Variants in KIAA0825 observed in about 807,000 individuals in gnomAD.
The protein encoded by KIAA0825 is uncharacterized protein KIAA0825.
Under a neutral mutation model 147.6 loss-of-function variants are expected in KIAA0825, and 119 were observed. That is an observed-to-expected ratio of 0.81 (90% CI 0.69 to 0.94). The LOEUF (loss-of-function observed/expected upper bound fraction) is 0.94, where lower values mean the gene tolerates loss of function less well. Among genes scored for constraint, KIAA0825 ranks in the 40% least tolerant of loss-of-function variants. The pLI is 0.00. For missense variants in KIAA0825, 1,381 were observed against 1,472.7 expected (o/e 0.94, Z 1.02); for synonymous variants, 470 against 518.1 (o/e 0.91, Z 1.26).
At chr5:94,243,310 A>G (rs1013933360) in intron 20 of KIAA0825, among the ~76,000 whole-genome samples, 8 of 152,210 alleles carry the variant, frequency 5.3e-5, no homozygotes, top group Non-Finnish European at 1.0e-4. Context: ...GCTTAAAACT[A>G]TACTTATGAT....
At chr5:94,265,538 C>T (rs572354417) in intron 20 of KIAA0825, among the ~76,000 whole-genome samples, 1 of 152,164 alleles carries the variant, frequency 6.6e-6, no homozygotes, top group Non-Finnish European at 1.5e-5. Context: ...GTGGCTTACA[C>T]CTGCAATCCC....
At chr5:94,309,303 A>C (rs1778956760) in intron 20 of KIAA0825, among the ~76,000 whole-genome samples, 1 of 151,606 alleles carries the variant, frequency 6.6e-6, no homozygotes, top group African/African-American at 2.4e-5. Context: ...TAAGCCACAA[A>C]GAAGTGGTAC....
At chr5:94,422,668 G>A (rs1210931882) in intron 14 of KIAA0825, among the ~76,000 whole-genome samples, 1 of 152,026 alleles carries the variant, frequency 6.6e-6, no homozygotes, top group Non-Finnish European at 1.5e-5. Context: ...TCTGCCTTCT[G>A]GACCAGACAT....
chr5:94,387,727 A>T (rs1749353092), intron 18 of KIAA0825, among the ~76,000 whole-genome samples: 1 of 151,468 alleles, frequency 6.6e-6, no homozygotes, highest in Non-Finnish European at 1.5e-5. Context: ...CTCCCAGGAG[A>T]TCCATAGGCA....
chr5:94,187,307 A>G (rs1770208759), intron 20 of KIAA0825, among the ~76,000 whole-genome samples: 1 of 150,998 alleles, frequency 6.6e-6, no homozygotes. Flanking sequence ...TCAGACAGGC[A>G]GAACTGTTGT....
At chr5:94,506,156 A>G (rs1345111916) in intron 5 of KIAA0825, among the ~76,000 whole-genome samples, 1 of 152,162 alleles carries the variant, frequency 6.6e-6, no homozygotes, top group African/African-American at 2.4e-5. Context: ...TTTCACAATC[A>G]ATTTTTTAAA....
chr5:94,354,158 G>A lies in KIAA0825; in HGVS notation c.3710+30210C>T, dbSNP rs7708114. Among the ~76,000 whole-genome samples the A allele has an allele frequency of 7.2e-3, 1,098 of 152,150 alleles. 13 individuals carry two copies. The highest frequency in any genetic ancestry group is 0.025 in the African/African-American group (1,038 of 41,522). Reference sequence around the variant, plus strand: ...TGCAAGTACACAACTAGAGTAAATCGGCTTGATACTTTCCTACCAAGAATT... The same window carrying A: ...TGCAAGTACACAACTAGAGTAAATCAGCTTGATACTTTCCTACCAAGAATT... On this transcript the variant is annotated intron_variant, in intron 20 of 20. Transcript: ENST00000682413.
At chr5:94,537,343 G>A (rs567061120) in intron 2 of KIAA0825, among the ~76,000 whole-genome samples, 14 of 152,186 alleles carry the variant, frequency 9.2e-5, no homozygotes, top group East Asian at 5.8e-4. Context: ...CCTAATTTTC[G>A]CACTTCTGTA....
At chr5:94,251,201 G>C (rs1445194322) in intron 20 of KIAA0825, among the ~76,000 whole-genome samples, 1 of 152,144 alleles carries the variant, frequency 6.6e-6, no homozygotes, top group Non-Finnish European at 1.5e-5. Context: ...GCACACAAAG[G>C]AGTTCAGCAA....
chr5:94,246,385 A>G (rs982409744), intron 20 of KIAA0825, among the ~76,000 whole-genome samples: 1 of 152,178 alleles, frequency 6.6e-6, no homozygotes, highest in East Asian at 1.9e-4. Flanking sequence ...TAAGCTTATG[A>G]TAGGGAACCA....
chr5:94,489,766 G>C (rs1281874788), intron 5 of KIAA0825, among the ~76,000 whole-genome samples: 1 of 151,244 alleles, frequency 6.6e-6, no homozygotes, highest in African/African-American at 2.4e-5. Context: ...TGCACCTGTA[G>C]TCTCAGCTAC....
At chr5:94,201,559 C>T (rs1370561315) in intron 20 of KIAA0825, among the ~76,000 whole-genome samples, 2 of 151,756 alleles carry the variant, frequency 1.3e-5, no homozygotes, top group Non-Finnish European at 2.9e-5. Context: ...AGGTGCATGC[C>T]ACCTTGCCTT....
At chr5:94,480,243 T>C (rs1762347315) in intron 6 of KIAA0825, among the ~76,000 whole-genome samples, 1 of 152,084 alleles carries the variant, frequency 6.6e-6, no homozygotes, top group Non-Finnish European at 1.5e-5. Flanking sequence ...AATGGAAAAC[T>C]ATTCCTCTAG....
At chr5:94,171,889 C>T (rs1414615528) in intron 20 of KIAA0825, among the ~76,000 whole-genome samples, 1 of 151,766 alleles carries the variant, frequency 6.6e-6, no homozygotes, top group Non-Finnish European at 1.5e-5. Flanking sequence ...TGAGAGAGTG[C>T]AGATAAAACA....
At chr5:94,379,372 A>G (rs769990172) in intron 20 of KIAA0825, among the ~76,000 whole-genome samples, 1 of 152,056 alleles carries the variant, frequency 6.6e-6, no homozygotes, top group South Asian at 2.1e-4. Flanking sequence ...TTCTTTACCC[A>G]TTGCTTGTTT....
intron 2 of KIAA0825, among the ~76,000 whole-genome samples, chr5:94,570,896 T>C (rs191193940): frequency 1.5e-4 from 23 of 152,346 alleles, no homozygotes; most frequent in South Asian, 4.1e-4. Flanking sequence ...TATCGTGCAT[T>C]ACTGCCAGCC....
chr5:94,208,219 G>A (rs1772383728), intron 20 of KIAA0825, among the ~76,000 whole-genome samples: 1 of 152,072 alleles, frequency 6.6e-6, no homozygotes, highest in African/African-American at 2.4e-5. Flanking sequence ...CTGTATATAA[G>A]TAAAACAAAC....
chr5:94,517,978 A>G (rs995665725), intron 5 of KIAA0825, among the ~76,000 whole-genome samples: 2 of 152,098 alleles, frequency 1.3e-5, no homozygotes, highest in African/African-American at 4.8e-5. Flanking sequence ...TAAAATGGAG[A>G]TAATAAATAA....
chr5:94,541,466 A>G (rs772891961), intron 2 of KIAA0825, among the ~76,000 whole-genome samples: 36 of 152,218 alleles, frequency 2.4e-4, no homozygotes, highest in Non-Finnish European at 4.9e-4. Flanking sequence ...TGGCTAAAGG[A>G]TTGTTTTAAG....
Sources: allele counts gnomAD v4.1 joint callset (sites outside exome capture counted in the v4.1 genomes callset), GRCh38; gene constraint gnomAD v4.1.1; transcripts MANE v1.5; gene names NCBI Gene and HGNC (gene_info 2026-07-23, HGNC 2026-07-21).